The following HLCS variants were observed in gnomAD, a reference collection of about 807,000 sequenced individuals.
HLCS encodes biotin--protein ligase.
In HLCS, 53 loss-of-function variants were observed where a neutral mutation model predicts 75.0. The ratio of observed to expected loss-of-function variants is 0.71; its 90% CI spans 0.57 to 0.89. The LOEUF (loss-of-function observed/expected upper bound fraction) is 0.89, where lower values mean the gene tolerates loss of function less well. HLCS is among the 40% of genes least tolerant of loss of function. HLCS has a pLI of 0.00. For missense variants in HLCS, 966 were observed against 1,074.0 expected, an observed-to-expected ratio of 0.90 and a Z score of 1.41; for synonymous variants, 431 against 428.6, an observed-to-expected ratio of 1.01 and a Z score of -0.07.
At chr21:36,881,814 T>C (rs957147023) in intron 6 of HLCS, among the ~76,000 whole-genome samples, 1 of 152,118 alleles carries the variant, frequency 6.6e-6, no homozygotes, top group Admixed American at 6.5e-5. Flanking sequence ...CCAGGACCCA[T>C]GTGGACAGGG....
At chr21:36,901,457 C>T (rs531610334) in intron 5 of HLCS, among the ~76,000 whole-genome samples, 8 of 152,312 alleles carry the variant, frequency 5.3e-5, no homozygotes, top group Middle Eastern at 3.4e-3. Flanking sequence ...GGGCTGCTGT[C>T]ACAAAGGACT....
At chr21:36,809,898 C>T (rs1037418526) in intron 6 of HLCS, among the ~76,000 whole-genome samples, 12 of 152,142 alleles carry the variant, frequency 7.9e-5, no homozygotes, top group Non-Finnish European at 1.5e-4. Flanking sequence ...ACTACCATGC[C>T]CAGCTAATTT....
intron 2 of HLCS, among the ~76,000 whole-genome samples, chr21:36,953,241 C>T (rs552013267): frequency 2.6e-5 from 4 of 152,256 alleles, no homozygotes; most frequent in East Asian, 1.9e-4. Flanking sequence ...GGACCACAGG[C>T]GGGAGCCACC....
chr21:36,892,747 A>G (rs536869986), intron 6 of HLCS, among the ~76,000 whole-genome samples: 2 of 152,320 alleles, frequency 1.3e-5, no homozygotes, highest in African/African-American at 4.8e-5. Context: ...AGGTTCCATG[A>G]TGGGGAATGG....
chr21:36,837,145 T>C (rs777567555), intron 6 of HLCS, among the ~76,000 whole-genome samples: 4 of 152,184 alleles, frequency 2.6e-5, no homozygotes, highest in Non-Finnish European at 5.9e-5. Context: ...ATTGTGCCAC[T>C]GCACTCCAGC....
rs771853376 is a variant in HLCS at position 36,754,238 on chromosome 21, G to A, written c.*8C>T. The A allele has an allele frequency of 5.1e-6, 8 of 1,576,352 alleles. No individual in the cohort carries two copies. Among genetic ancestry groups the A allele is most frequent in the African/African-American group, 1.3e-5 (1 of 74,624 alleles). The stretch of plus-strand genomic sequence containing the variant: ...GGACAGGCAGCCGCGTCTCGGGGAC[G>A]CCCGGCATTACCGCCGTTTGGGGAG... On this transcript the variant is annotated 3_prime_UTR_variant, in exon 11 of 11. Coordinates refer to ENST00000674895, the MANE Select transcript of HLCS (RefSeq NM_001352514.2).
intron 6 of HLCS, among the ~76,000 whole-genome samples, chr21:36,834,146 G>C (rs1168622758): frequency 6.6e-6 from 1 of 152,224 alleles, no homozygotes; most frequent in Non-Finnish European, 1.5e-5. Flanking sequence ...CGGGGTCCTG[G>C]AACCAATCCC....
intron 10 of HLCS, 37 bp from the exon 11 acceptor site, chr21:36,754,454 G>A (rs751371980): frequency 6.3e-7 from 1 of 1,593,542 alleles, no homozygotes; most frequent in Non-Finnish European, 8.5e-7. Context: ...ACTGGGAGGT[G>A]TCACAGGACG....
rs115820147 is a variant in HLCS, at chr21:36,777,426, C to T, written c.1893-10141G>A. Among the ~76,000 whole-genome samples the T allele has an allele frequency of 3.3e-3, 496 of 152,396 alleles. 3 individuals are homozygous for T. The highest frequency in any genetic ancestry group is 0.011 in the African/African-American group (477 of 41,602). On this transcript the variant is annotated intron_variant, in intron 6 of 10. Coordinates refer to ENST00000674895, the MANE Select transcript of HLCS (RefSeq NM_001352514.2). ...ACGAAAACTGGCAGCAGGCCAGACTCGGCCCAAGGGCCAAACTTTGCCAAC... is the reference window on the plus strand; with the variant it reads ...ACGAAAACTGGCAGCAGGCCAGACTTGGCCCAAGGGCCAAACTTTGCCAAC...
chr21:36,838,506 C>T lies in HLCS; in HGVS notation c.1892+58354G>A, dbSNP rs564796902. ...AGATCACAAGGTCAGGAGATCGAGA[C>T]CATCCTGGCCAACACGGTGAAACTC... On this transcript the variant is annotated intron_variant, in intron 6 of 10. Coordinates refer to ENST00000674895, the MANE Select transcript of HLCS (RefSeq NM_001352514.2). 3.9e-5 allele frequency among the ~76,000 whole-genome samples: 6 copies of T among 152,136 alleles called. No individual in the cohort carries two copies. In the East Asian group the frequency reaches 9.7e-4, roughly 24 times the overall value.
chr21:36,921,095 C>G (rs557649275), intron 5 of HLCS, among the ~76,000 whole-genome samples: 1 of 152,324 alleles, frequency 6.6e-6, no homozygotes, highest in African/African-American at 2.4e-5. Context: ...AAGAGAGCAA[C>G]TTACCAAATG....
intron 6 of HLCS, among the ~76,000 whole-genome samples, chr21:36,832,676 C>T (rs1197571286): frequency 6.6e-6 from 1 of 152,230 alleles, no homozygotes; most frequent in Non-Finnish European, 1.5e-5. Flanking sequence ...AAAGCCTCAG[C>T]TCTGACATGG....
chr21:36,937,947 G>C (rs992823774), intron 3 of HLCS, among the ~76,000 whole-genome samples: 8 of 152,112 alleles, frequency 5.3e-5, no homozygotes, highest in African/African-American at 1.9e-4. Flanking sequence ...TGGTATTAGA[G>C]ACATGTACGA....
intron 2 of HLCS, chr21:36,947,918 T>C (rs1475150261): frequency 4.9e-5 from 48 of 985,214 alleles, no homozygotes; most frequent in Non-Finnish European, 5.7e-5. Context: ...TTCCAAATCA[T>C]CTTAATTCAA....
At chr21:36,787,332 CA>C (rs2060719276) in intron 6 of HLCS, among the ~76,000 whole-genome samples, 1 of 152,184 alleles carries the variant, frequency 6.6e-6, no homozygotes, top group Non-Finnish European at 1.5e-5. Flanking sequence ...TTCCTAACCA[CA>C]ATGGGCTGCT....
chr21:36,910,893 C>A (rs1336072659), intron 5 of HLCS, among the ~76,000 whole-genome samples: 3 of 152,102 alleles, frequency 2.0e-5, no homozygotes, highest in African/African-American at 4.8e-5. Context: ...CTGTGTTCTG[C>A]CACTAGCCCC....
In HLCS at chr21:36,756,726, G is replaced by A. The variant is rs1285498636; in HGVS notation, c.2266C>T (p.Pro756Ser). Residue 756 changes from proline (P) to serine (S), a missense_variant, in exon 10 of 11, where the codon CCT becomes TCT. Pro to Ser is a moderately conservative substitution (Grantham distance 74). Transcript: ENST00000674895. ...GCGFNVTNSN[P>S]TICINDLITE... is the part of the protein sequence containing the mutation. ...ATGAGGTCGTTGATGCAGATGGTAGGGTTACTGTTAGTCACATTAAATCCA... is the reference window on the plus strand; with the variant it reads ...ATGAGGTCGTTGATGCAGATGGTAGAGTTACTGTTAGTCACATTAAATCCA... 18 of 1,613,984 alleles carry A rather than the reference G, an allele frequency of 1.1e-5. No homozygotes were observed. Among genetic ancestry groups the A allele is most frequent in the Non-Finnish European group, 1.5e-5 (18 of 1,180,020 alleles).
chr21:36,902,257 G>C (rs550370848), intron 5 of HLCS, among the ~76,000 whole-genome samples: 1 of 152,296 alleles, frequency 6.6e-6, no homozygotes, highest in East Asian at 1.9e-4. Context: ...GGTGAAAGCA[G>C]GTTTTGTTTG....
At chr21:36,971,205 A>C (rs189810263), upstream of HLCS, among the ~76,000 whole-genome samples, 3 of 152,260 alleles carry the variant, frequency 2.0e-5, no homozygotes, top group East Asian at 5.8e-4. Flanking sequence ...ATGCATTTGA[A>C]CTCATGTCTT....
Sources: gnomAD v4.1 joint callset for allele counts (sites outside exome capture counted in the v4.1 genomes callset) on GRCh38, gnomAD v4.1.1 for gene constraint, MANE v1.5 for transcripts, NCBI Gene and HGNC (gene_info 2026-07-23, HGNC 2026-07-21) for gene names.